Variants in CHIC2 observed in about 807,000 individuals in gnomAD.
The protein encoded by CHIC2 is cysteine-rich hydrophobic domain-containing protein 2.
A neutral mutation model predicts 25.9 loss-of-function variants in CHIC2; 14 were observed. That is an observed-to-expected ratio of 0.54 (90% CI 0.36 to 0.85). The LOEUF (loss-of-function observed/expected upper bound fraction) is 0.85, where lower values mean the gene tolerates loss of function less well. Ranked by LOEUF, CHIC2 falls within the 40% of genes least tolerant of loss-of-function variation. CHIC2 has a pLI of 0.01. For missense variants in CHIC2, 146 were observed against 202.0 expected (o/e 0.72, Z 1.68); for synonymous variants, 70 against 72.0 (o/e 0.97, Z 0.14).
At chr4:54,091,312 G>T in the CHIC2 span, among the ~76,000 whole-genome samples, 4 of 152,158 alleles carry the variant, frequency 2.6e-5, no homozygotes, top group Non-Finnish European at 5.9e-5. Flanking sequence ...AGAGGCACTG[G>T]GCTGCGCCCG....
intron 3 of CHIC2, among the ~76,000 whole-genome samples, chr4:54,046,295 A>T (rs536078833): frequency 7.3e-4 from 111 of 152,284 alleles, no homozygotes; most frequent in Non-Finnish European, 4.7e-4. Flanking sequence ...AATTGGAAAA[A>T]ACTACTTTAA....
At chr4:54,083,307 G>A in the CHIC2 span, among the ~76,000 whole-genome samples, 383 of 151,956 alleles carry the variant, frequency 2.5e-3, 5 homozygotes, top group East Asian at 0.013. Context: ...GAGCCACCAC[G>A]CCCAACTCCA....
chr4:54,027,783 C>A (rs1716105923), intron 3 of CHIC2, among the ~76,000 whole-genome samples: 1 of 152,124 alleles, frequency 6.6e-6, no homozygotes. Context: ...AAAGTAAATA[C>A]ACAAGTTTCA....
chr4:54,080,162 G>GTATATA, the CHIC2 span, among the ~76,000 whole-genome samples: 1 of 146,496 alleles, frequency 6.8e-6, no homozygotes, highest in Non-Finnish European at 1.5e-5. Context: ...ATATGTATGT[G>GTATATA]TATATATATA....
At chr4:54,054,030 C>T (rs1428188130) in intron 1 of CHIC2, among the ~76,000 whole-genome samples, 2 of 152,138 alleles carry the variant, frequency 1.3e-5, no homozygotes, top group Admixed American at 6.6e-5. Context: ...ACAAGTGATC[C>T]GCCCACCTTG....
the CHIC2 span, among the ~76,000 whole-genome samples, chr4:54,075,387 A>G: frequency 6.6e-6 from 1 of 152,184 alleles, no homozygotes; most frequent in Non-Finnish European, 1.5e-5. Flanking sequence ...GAAACAAAAT[A>G]GTTTTAAGTG....
At chr4:54,012,672 C>T (rs1369460558) in intron 5 of CHIC2, among the ~76,000 whole-genome samples, 1 of 152,002 alleles carries the variant, frequency 6.6e-6, no homozygotes, top group Non-Finnish European at 1.5e-5. Flanking sequence ...AGAGTAGTCT[C>T]CTCACCTCAA....
the CHIC2 span, among the ~76,000 whole-genome samples, chr4:54,074,865 T>C: frequency 2.2e-4 from 34 of 152,146 alleles, no homozygotes; most frequent in African/African-American, 8.2e-4. Context: ...CCCAACACTT[T>C]GTGAGGCCAA....
At chr4:54,050,508 T>C (rs575287022) in intron 1 of CHIC2, among the ~76,000 whole-genome samples, 1 of 152,214 alleles carries the variant, frequency 6.6e-6, no homozygotes, top group African/African-American at 2.4e-5. Flanking sequence ...TACCTCCTTA[T>C]ATCTTATCTT....
chr4:54,060,140 T>C (rs1004216901), intron 1 of CHIC2: 1 of 152,234 alleles, frequency 6.6e-6, no homozygotes. Flanking sequence ...TTACTAACTC[T>C]ACCATTTGAA....
the CHIC2 span, among the ~76,000 whole-genome samples, chr4:54,085,545 G>A: frequency 1.3e-5 from 2 of 152,132 alleles, no homozygotes; most frequent in Non-Finnish European, 2.9e-5. Flanking sequence ...GAAGGGCATC[G>A]AGCCAAGTCC....
the CHIC2 span, among the ~76,000 whole-genome samples, chr4:54,073,368 G>A: frequency 6.6e-6 from 1 of 152,212 alleles, no homozygotes; most frequent in African/African-American, 2.4e-5. Flanking sequence ...GGTGACCTGT[G>A]TGACCAATAG....
chr4:54,013,826 C>G lies in CHIC2; in HGVS notation c.447+11G>C. On this transcript the variant is annotated intron_variant, in intron 5 of 5. Coordinates refer to ENST00000263921, the MANE Select transcript of CHIC2 (RefSeq NM_012110.4). ...TAATAGAGAAACTCACAAAACAGCC[C>G]TTTAACTTACATATTCCATCATGTT... is the stretch of plus-strand genomic sequence containing the variant. 1 of 1,612,240 alleles carries G rather than the reference C, an allele frequency of 6.2e-7. No individual in the cohort carries two copies. The highest frequency in any genetic ancestry group is 1.1e-5 in the South Asian group (1 of 90,926).
the CHIC2 span, among the ~76,000 whole-genome samples, chr4:54,073,445 T>C: frequency 4.3e-4 from 66 of 152,348 alleles, no homozygotes; most frequent in Middle Eastern, 3.4e-3. Flanking sequence ...CATTTTATCT[T>C]ATTCCCTTAA....
chr4:54,042,557 T>C (rs1437115862), intron 3 of CHIC2, among the ~76,000 whole-genome samples: 1 of 152,138 alleles, frequency 6.6e-6, no homozygotes, highest in African/African-American at 2.4e-5. Context: ...CAAAGGTATC[T>C]ACAGTATTAA....
upstream of CHIC2, among the ~76,000 whole-genome samples, chr4:54,069,573 A>G (rs533679213): frequency 6.6e-6 from 1 of 152,316 alleles, no homozygotes; most frequent in African/African-American, 2.4e-5. Flanking sequence ...ATGATTGATT[A>G]CACCGCTGGC....
the CHIC2 span, among the ~76,000 whole-genome samples, chr4:54,082,254 T>C: frequency 6.6e-6 from 1 of 152,234 alleles, no homozygotes; most frequent in Admixed American, 6.5e-5. Flanking sequence ...GCAAGCCCTT[T>C]AAGTCCTTCA....
At chr4:54,064,703 G>A (rs1487369578), upstream of CHIC2, 2 of 995,924 alleles carry the variant, frequency 2.0e-6, no homozygotes, top group East Asian at 1.4e-4. This position sits in a 1 kb window ranked among gnomAD's most constrained non-coding sequence, Gnocchi z 4.2. Flanking sequence ...GTGGGCGCGT[G>A]GGCGAGCGGA....
intron 3 of CHIC2, among the ~76,000 whole-genome samples, chr4:54,019,893 G>GT (rs1715847002): frequency 7.9e-6 from 1 of 127,342 alleles, no homozygotes; most frequent in Admixed American, 7.5e-5. Context: ...CACTATTATT[G>GT]TTAAAAAAAA....
Sources: gnomAD v4.1 joint callset for allele counts (sites outside exome capture counted in the v4.1 genomes callset) on GRCh38, gnomAD v4.1.1 for gene constraint, Gnocchi (gnomAD v3.1) non-coding constraint, MANE v1.5 for transcripts, NCBI Gene and HGNC (gene_info 2026-07-23, HGNC 2026-07-21) for gene names.